Variants in EFR3A observed in about 807,000 individuals in gnomAD.
EFR3A encodes the protein protein EFR3 homolog A.
In EFR3A, 76 loss-of-function variants were observed where a neutral mutation model predicts 104.4. That is an observed-to-expected ratio of 0.73 (90% CI 0.60 to 0.88). EFR3A has a LOEUF of 0.88. Ranked by LOEUF, EFR3A falls within the 40% of genes least tolerant of loss-of-function variation. The pLI, the probability that EFR3A is intolerant of heterozygous loss-of-function variation, is 0.00. For missense variants in EFR3A, 985 were observed against 1,012.5 expected (o/e 0.97, Z 0.37); for synonymous variants, 330 against 330.0 (o/e 1.00, Z 0.00).
chr8:131,921,152 A>G (rs1816999731), intron 1 of EFR3A, among the ~76,000 whole-genome samples: 1 of 152,192 alleles, frequency 6.6e-6, no homozygotes, highest in African/African-American at 2.4e-5. Flanking sequence ...CAACTGGATG[A>G]TTTCTACAAC....
intron 1 of EFR3A, among the ~76,000 whole-genome samples, chr8:131,913,060 A>G (rs1298534079): frequency 1.3e-5 from 2 of 151,286 alleles, no homozygotes; most frequent in African/African-American, 4.9e-5. Context: ...AAATCATGAA[A>G]ACCTGAAAGG....
In EFR3A at chr8:131,976,183, C is replaced by G. The variant is rs181164639; in HGVS notation, c.1274+42C>G. The G allele has an allele frequency of 3.6e-4, 441 of 1,232,084 alleles. 5 individuals carry two copies. The East Asian group carries it at 0.01, about 29-fold the overall frequency. The allele number at this position is 1,232,084 out of a possible 1,614,324, so 76.3% of individuals were successfully genotyped here. A position where few individuals can be genotyped will look rare whatever the true frequency, so the allele number is the denominator to read the frequency against. ...TAAATTTGAACTTAATCTTGAGTTA[C>G]ATTTTATCCTAACGAAATCTAGAAA... On this transcript the variant is annotated intron_variant, in intron 11 of 22. Transcript: ENST00000254624.
chr8:131,907,285 A>C (rs1306092450), intron 1 of EFR3A, among the ~76,000 whole-genome samples: 1 of 152,260 alleles, frequency 6.6e-6, no homozygotes, highest in Non-Finnish European at 1.5e-5. Context: ...TCTTGTTTAT[A>C]TAGACACAAA....
chr8:131,933,265 T>G (rs1049462639), intron 1 of EFR3A, among the ~76,000 whole-genome samples: 11 of 152,134 alleles, frequency 7.2e-5, no homozygotes, highest in Admixed American at 6.6e-4. Context: ...CTCTTCCCCC[T>G]GAGCACATTG....
chr8:131,957,680 T>C (rs1296560262), intron 7 of EFR3A, among the ~76,000 whole-genome samples: 2 of 151,630 alleles, frequency 1.3e-5, no homozygotes, highest in African/African-American at 4.8e-5. Flanking sequence ...TAGATGAAGG[T>C]AGTTATCAAA....
At chr8:131,938,391 A>G (rs1818012512) in intron 1 of EFR3A, 1 of 393,720 alleles carries the variant, frequency 2.5e-6, no homozygotes, top group Non-Finnish European at 4.5e-6. Context: ...AAGTCTATAT[A>G]GTAATTTCTT....
chr8:131,987,236 C>G lies in EFR3A; in HGVS notation c.1938-339C>G, dbSNP rs567759318. The stretch of plus-strand genomic sequence containing the variant: ...ATGATTTTTTTTTTATTTTGTCTCT[C>G]AGTACACTTTTTAATTAACATGACA... On this transcript the variant is annotated intron_variant, in intron 17 of 22. Transcript: ENST00000254624. 1.8e-3 allele frequency among the ~76,000 whole-genome samples: 280 copies of G among 152,056 alleles called. 2 individuals carry two copies. Among genetic ancestry groups the G allele is most frequent in the African/African-American group, 6.6e-3 (272 of 41,512 alleles).
At chr8:131,931,578 A>G (rs1006099151) in intron 1 of EFR3A, among the ~76,000 whole-genome samples, 1 of 152,128 alleles carries the variant, frequency 6.6e-6, no homozygotes, top group African/African-American at 2.4e-5. Context: ...AGACTGCTTA[A>G]TATCAGGAAC....
intron 4 of EFR3A, among the ~76,000 whole-genome samples, chr8:131,948,781 A>G: frequency 6.6e-6 from 1 of 152,080 alleles, no homozygotes; most frequent in East Asian, 1.9e-4. Context: ...TGTTATCTTG[A>G]CCAACATTAA....
intron 10 of EFR3A, among the ~76,000 whole-genome samples, 199 bp from the exon 11 acceptor site, chr8:131,975,828 A>G (rs1776876417): frequency 6.6e-6 from 1 of 152,248 alleles, no homozygotes. Flanking sequence ...CTACCAGTCC[A>G]TTATACACAG....
At chr8:131,971,916 A>ATTC (rs1820076801) in intron 10 of EFR3A, among the ~76,000 whole-genome samples, 3 of 152,276 alleles carry the variant, frequency 2.0e-5, no homozygotes, top group East Asian at 3.9e-4. Context: ...TCATGCGGAT[A>ATTC]TTCTGCTTTT....
intron 1 of EFR3A, among the ~76,000 whole-genome samples, chr8:131,910,124 A>G (rs557513345): frequency 1.3e-5 from 2 of 152,296 alleles, no homozygotes; most frequent in Non-Finnish European, 2.9e-5. Flanking sequence ...TTCTAGATAG[A>G]TAGTTCCAAG....
In EFR3A at chr8:131,979,255, A is replaced by T. The variant is rs545014059; in HGVS notation, c.1500-91A>T. ...GTATCATTACATACAGGCTTATCAA[A>T]CTCCTAAGTATAAATACAATTTTCC... On this transcript the variant is annotated intron_variant, in intron 13 of 22. Coordinates refer to ENST00000254624, the MANE Select transcript of EFR3A (RefSeq NM_015137.6). 3.2e-5 allele frequency: 36 copies of T among 1,114,406 alleles called. No homozygotes were observed. In the South Asian group the frequency reaches 5.6e-4, roughly 17 times the overall value. The allele number at this position is 1,114,406 out of a possible 1,614,324, so 69.0% of individuals were successfully genotyped here.
At chr8:131,979,324 A>G (rs1035145197) in intron 13 of EFR3A, 22 bp from the exon 14 acceptor site, 18 of 1,487,538 alleles carry the variant, frequency 1.2e-5, no homozygotes, top group Non-Finnish European at 1.6e-5. Flanking sequence ...TTCATTAAAA[A>G]TGATATATTG....
intron 11 of EFR3A, 144 bp from the exon 12 acceptor site, chr8:131,976,897 A>G (rs1386065752): frequency 3.3e-5 from 17 of 510,632 alleles, no homozygotes; most frequent in Non-Finnish European, 9.9e-6. Context: ...TTACTTTGGC[A>G]TGTGAAGTGA....
At chr8:131,924,722 T>C (rs1817215738) in intron 1 of EFR3A, among the ~76,000 whole-genome samples, 1 of 152,110 alleles carries the variant, frequency 6.6e-6, no homozygotes, top group African/African-American at 2.4e-5. Flanking sequence ...TCCTAATCAG[T>C]CCAACTCAGA....
intron 5 of EFR3A, among the ~76,000 whole-genome samples, chr8:131,952,276 A>G (rs1262368493): frequency 2.0e-5 from 3 of 152,168 alleles, no homozygotes; most frequent in African/African-American, 4.8e-5. Context: ...TAAATTGTTC[A>G]ACATTTCTAT....
At chr8:131,925,150 G>T (rs10435560) in intron 1 of EFR3A, among the ~76,000 whole-genome samples, 2 of 151,938 alleles carry the variant, frequency 1.3e-5, no homozygotes, top group Admixed American at 6.6e-5. Context: ...TCCAGGTTTG[G>T]TCCTTTGAAG....
At chr8:131,959,308 A>C (rs1819185909) in intron 7 of EFR3A, among the ~76,000 whole-genome samples, 1 of 152,150 alleles carries the variant, frequency 6.6e-6, no homozygotes, top group Admixed American at 6.6e-5. Flanking sequence ...ACCCTTTGAG[A>C]GAAGTAAATT....
Sources: gnomAD v4.1 joint callset for allele counts (sites outside exome capture counted in the v4.1 genomes callset) on GRCh38, gnomAD v4.1.1 for gene constraint, MANE v1.5 for transcripts, NCBI Gene and HGNC (gene_info 2026-07-23, HGNC 2026-07-21) for gene names.